Variants in NSMCE2 observed in about 807,000 individuals in gnomAD.
The protein encoded by NSMCE2 is E3 SUMO-protein ligase NSE2.
In NSMCE2, 24 loss-of-function variants were observed where a neutral mutation model predicts 23.8. The observed-to-expected ratio is 1.01, with a 90% CI of 0.73 to 1.42. The LOEUF is 1.42. Among genes scored for constraint, NSMCE2 ranks in the 40% most tolerant of loss-of-function variants. The pLI, the probability that NSMCE2 is intolerant of heterozygous loss-of-function variation, is 0.00. For synonymous variants in NSMCE2, 92 were observed against 94.1 expected, an observed-to-expected ratio of 0.98 and a Z score of 0.13; for missense variants, 284 against 296.5, an observed-to-expected ratio of 0.96 and a Z score of 0.31.
intron 7 of NSMCE2, among the ~76,000 whole-genome samples, chr8:125,364,403 G>A (rs1813696821): frequency 6.6e-6 from 1 of 152,150 alleles, no homozygotes; most frequent in South Asian, 2.1e-4. Flanking sequence ...ACAAATTGGA[G>A]CTCCCATGAC....
At chr8:125,330,682 G>A (rs73704930) in intron 5 of NSMCE2, among the ~76,000 whole-genome samples, 10,415 of 152,160 alleles carry the variant, frequency 0.068, 1,155 homozygotes, top group African/African-American at 0.24. Flanking sequence ...TCGAATGTAC[G>A]CTAGGTACTA....
intron 4 of NSMCE2, among the ~76,000 whole-genome samples, chr8:125,156,911 C>T (rs377152138): frequency 2.0e-5 from 3 of 152,292 alleles, no homozygotes; most frequent in Non-Finnish European, 4.4e-5. Flanking sequence ...ACTACTTTAA[C>T]ATGAAATTCT....
At chr8:125,095,357 G>T (rs913592108) in intron 1 of NSMCE2, among the ~76,000 whole-genome samples, 3 of 152,054 alleles carry the variant, frequency 2.0e-5, no homozygotes. Flanking sequence ...GAGAGGCCGA[G>T]TTGGGAGGAT....
chr8:125,274,655 C>G (rs1281069601), intron 5 of NSMCE2, among the ~76,000 whole-genome samples: 1 of 152,086 alleles, frequency 6.6e-6, no homozygotes, highest in African/African-American at 2.4e-5. Context: ...TGTGGCCAGG[C>G]ACGGTGGCTC....
At chr8:125,296,976 G>A (rs1586733595) in intron 5 of NSMCE2, among the ~76,000 whole-genome samples, 1 of 152,246 alleles carries the variant, frequency 6.6e-6, no homozygotes, top group East Asian at 1.9e-4. Flanking sequence ...AAAATATAGA[G>A]TATACTTAGA....
intron 5 of NSMCE2, among the ~76,000 whole-genome samples, chr8:125,265,637 T>C (rs1826880491): frequency 6.6e-6 from 1 of 152,240 alleles, no homozygotes; most frequent in Admixed American, 6.5e-5. Context: ...CGCCTTACTT[T>C]ACCCTAGTCC....
intron 3 of NSMCE2, among the ~76,000 whole-genome samples, chr8:125,107,871 A>C (rs992313557): frequency 1.3e-5 from 2 of 151,952 alleles, no homozygotes; most frequent in African/African-American, 4.8e-5. Context: ...CTGTCTCTAC[A>C]AAACATACAA....
intron 5 of NSMCE2, chr8:125,182,653 G>A: frequency 4.0e-6 from 1 of 251,086 alleles, no homozygotes; most frequent in Non-Finnish European, 7.5e-6. Flanking sequence ...CCTCTTTGGA[G>A]TAATATTAGC....
intron 5 of NSMCE2, among the ~76,000 whole-genome samples, chr8:125,343,179 A>G (rs1830308944): frequency 6.6e-6 from 1 of 152,216 alleles, no homozygotes; most frequent in South Asian, 2.1e-4. Flanking sequence ...ATTCGGGGTC[A>G]GTGGGTGAGG....
chr8:125,282,053 T>C (rs1461063786), intron 5 of NSMCE2, among the ~76,000 whole-genome samples: 3 of 152,076 alleles, frequency 2.0e-5, no homozygotes, highest in Admixed American at 1.3e-4. Flanking sequence ...CCCTGTGTAG[T>C]GTTGCATCTT....
At chr8:125,102,639 T>TA in intron 3 of NSMCE2, 152 bp downstream of exon 3, 1 of 623,566 alleles carries the variant, frequency 1.6e-6, no homozygotes, top group Non-Finnish European at 2.9e-6. Flanking sequence ...CGCAGCAGGG[T>TA]ACTGAGGGTG....
intron 5 of NSMCE2, among the ~76,000 whole-genome samples, chr8:125,326,994 G>C (rs1190705939): frequency 6.7e-6 from 1 of 149,914 alleles, no homozygotes; most frequent in Non-Finnish European, 1.5e-5. Flanking sequence ...CAGGCGAGGT[G>C]GCTCACACCT....
chr8:125,165,528 G>A (rs1171991100), intron 4 of NSMCE2, among the ~76,000 whole-genome samples: 1 of 152,160 alleles, frequency 6.6e-6, no homozygotes, highest in Non-Finnish European at 1.5e-5. Context: ...GTGGTTTAAT[G>A]ATATTATCTT....
In NSMCE2 at chr8:125,289,875, A is replaced by G. The variant is rs556556822; in HGVS notation, c.419-67344A>G. ...GTCTTAAATCAAAGCATTTATTATC[A>G]AAGCCTTTTTGTTTATGAGTACAAA... On this transcript the variant is annotated intron_variant, in intron 5 of 7. Coordinates refer to ENST00000287437, the MANE Select transcript of NSMCE2 (RefSeq NM_173685.4). Among the ~76,000 whole-genome samples, 22 of 152,324 alleles carry G rather than the reference A, an allele frequency of 1.4e-4. No individual in the cohort carries two copies. The South Asian group carries it at 4.3e-3, about 30-fold the overall frequency.
At chr8:125,187,453 T>C (rs2130816957) in intron 5 of NSMCE2, among the ~76,000 whole-genome samples, 2 of 152,330 alleles carry the variant, frequency 1.3e-5, no homozygotes, top group East Asian at 1.9e-4. Flanking sequence ...TTAATTTAGC[T>C]AGACAATATG....
chr8:125,325,956 A>G (rs530988723), intron 5 of NSMCE2, among the ~76,000 whole-genome samples: 1 of 151,912 alleles, frequency 6.6e-6, no homozygotes, highest in South Asian at 2.1e-4. Context: ...CCGTCTCAAA[A>G]TAAATAAATA....
intron 5 of NSMCE2, among the ~76,000 whole-genome samples, chr8:125,201,754 C>A (rs1186166808): frequency 2.0e-5 from 3 of 152,198 alleles, no homozygotes; most frequent in African/African-American, 7.2e-5. Flanking sequence ...TTTAAGTCTG[C>A]GAAAGTTTCT....
intron 5 of NSMCE2, among the ~76,000 whole-genome samples, chr8:125,340,927 C>T (rs989423879): frequency 6.6e-6 from 1 of 152,126 alleles, no homozygotes; most frequent in African/African-American, 2.4e-5. Context: ...AATTTCTCTG[C>T]CTCCTTGATG....
At chr8:125,221,269 A>G (rs1027680468) in intron 5 of NSMCE2, among the ~76,000 whole-genome samples, 17 of 152,216 alleles carry the variant, frequency 1.1e-4, no homozygotes, top group Admixed American at 8.5e-4. Flanking sequence ...TTATTGAGAC[A>G]AGATCTCACT....
Sources: gnomAD v4.1 joint callset for allele counts (sites outside exome capture counted in the v4.1 genomes callset) on GRCh38, gnomAD v4.1.1 for gene constraint, MANE v1.5 for transcripts, NCBI Gene and HGNC (gene_info 2026-07-23, HGNC 2026-07-21) for gene names.